The following TEAD3 variants were observed in gnomAD, a reference collection of about 807,000 sequenced individuals.
TEAD3 encodes the protein transcriptional enhancer factor TEF-5.
TEAD3 carries 15 observed loss-of-function variants against 55.6 expected under a neutral mutation model. The observed-to-expected ratio is 0.27, with a 90% CI of 0.18 to 0.42. TEAD3 has a LOEUF of 0.42. Ranked by LOEUF, TEAD3 falls within the 10% of genes least tolerant of loss-of-function variation. The pLI is 1.00. For missense variants in TEAD3, 407 were observed against 576.8 expected, an observed-to-expected ratio of 0.71 and a Z score of 3.01; for synonymous variants, 210 against 232.2, an observed-to-expected ratio of 0.90 and a Z score of 0.87.
At chr6:35,476,268 T>C in intron 9 of TEAD3, 34 bp downstream of exon 9, 1 of 1,603,442 alleles carries the variant, frequency 6.2e-7, no homozygotes, top group East Asian at 2.2e-5. Flanking sequence ...TCCACAATTG[T>C]GCAAAGCCTC....
intron 3 of TEAD3, among the ~76,000 whole-genome samples, chr6:35,482,961 G>A (rs764407129): frequency 1.9e-4 from 29 of 152,160 alleles, no homozygotes; most frequent in Admixed American, 3.9e-4. Flanking sequence ...CAGCGCTTAC[G>A]CTGTTCTAAG....
Position 35,488,840 on chromosome 6 carries a change from C to T in TEAD3, c.-49-2129G>A, listed in dbSNP as rs945284986. Among the ~76,000 whole-genome samples, 1 of 152,184 alleles carries T rather than the reference C, an allele frequency of 6.6e-6. No individual in the cohort carries two copies. Among genetic ancestry groups the T allele is most frequent in the Non-Finnish European group, 1.5e-5 (1 of 68,032 alleles). ...CTGGGTTCAAGCGATTCTCCTGCCT[C>T]AGACTCCCATGCAGCCTCCCCCCTC... is the stretch of plus-strand genomic sequence containing the variant. On this transcript the variant is annotated intron_variant, in intron 1 of 12. Transcript: ENST00000639578. The surrounding 1 kb of genome is among the most constrained non-coding windows in gnomAD (Gnocchi z 4.2).
chr6:35,480,692 G>C (rs1239618012), intron 3 of TEAD3, among the ~76,000 whole-genome samples: 1 of 152,144 alleles, frequency 6.6e-6, no homozygotes, highest in Admixed American at 6.6e-5. Context: ...AAGAGCCACA[G>C]TGGCTTCCAG....
intron 3 of TEAD3, among the ~76,000 whole-genome samples, chr6:35,481,574 T>C (rs1185222310): frequency 4.6e-5 from 7 of 152,254 alleles, no homozygotes; most frequent in African/African-American, 1.7e-4. Context: ...TGGCGTTTAC[T>C]GAGCACAGAT....
rs754589202 is a variant in TEAD3, at chr6:35,475,555, C to T, written c.1041+11G>A. On this transcript the variant is annotated intron_variant, in intron 11 of 12. Coordinates refer to ENST00000639578, the Ensembl canonical transcript of TEAD3. This position sits in a 1 kb window ranked among gnomAD's most constrained non-coding sequence, Gnocchi z 5.4. ...CCCAGCCCCACCAAGCCACCCAGAG[C>T]CCCCACTCACCTCCACCTTCTCTAC... 15 of 1,606,712 alleles carry T rather than the reference C, an allele frequency of 9.3e-6. No individual in the cohort carries two copies. The highest frequency in any genetic ancestry group is 1.3e-5 in the Non-Finnish European group (15 of 1,175,452).
intron 1 of TEAD3, among the ~76,000 whole-genome samples, chr6:35,487,998 C>T (rs1409275956): frequency 6.6e-6 from 1 of 152,200 alleles, no homozygotes; most frequent in Non-Finnish European, 1.5e-5. Flanking sequence ...TCAGTGCAAC[C>T]CTGCTAAGGA....
chr6:35,482,237 G>A (rs1314105405), intron 3 of TEAD3, among the ~76,000 whole-genome samples: 16 of 152,018 alleles, frequency 1.1e-4, no homozygotes, highest in Admixed American at 1.0e-3. Flanking sequence ...CACCTGCCTC[G>A]GCCTCCCAAA....
chr6:35,475,333 T>C lies in TEAD3; in HGVS notation c.1194+3A>G, dbSNP rs1206766149. 1.9e-6 allele frequency: 3 copies of C among 1,613,086 alleles called. No homozygotes were observed. The highest frequency in any genetic ancestry group is 2.5e-6 in the Non-Finnish European group (3 of 1,179,248). ...CTCCCCACGACCCCTGCTGCCCCCA[T>C]ACCTGCAGGATGGTGAAGTTCTCCA... On this transcript the variant is annotated splice_donor_region_variant and intron_variant, in intron 12 of 12. Coordinates refer to ENST00000639578, the Ensembl canonical transcript of TEAD3. The surrounding 1 kb of genome is among the most constrained non-coding windows in gnomAD (Gnocchi z 5.4).
intron 4 of TEAD3, chr6:35,480,043 T>A: frequency 6.7e-7 from 1 of 1,493,248 alleles, no homozygotes; most frequent in Non-Finnish European, 9.0e-7. Context: ...CCAGGCCAGG[T>A]GGCAGGGGCC....
chr6:35,489,053 G>A (rs76626846), intron 1 of TEAD3, among the ~76,000 whole-genome samples: 4,624 of 152,282 alleles, frequency 0.03, 105 homozygotes, highest in East Asian at 0.096. Flanking sequence ...CACTGCGCCC[G>A]GCCCTTGATT....
At chr6:35,495,167 C>T (rs1768614120) in intron 1 of TEAD3, among the ~76,000 whole-genome samples, 1 of 152,242 alleles carries the variant, frequency 6.6e-6, no homozygotes, top group Non-Finnish European at 1.5e-5. Flanking sequence ...ATCCCTATTT[C>T]TTGACCACCT....
rs983571909 is a variant in TEAD3 at position 35,491,161 on chromosome 6, C to A, written c.-49-4450G>T. Reference sequence around the variant, plus strand: ...AAAGCCCAACCCAGTGGGGGACAGACCAGAGCCCCGCAGAGTGAAGGGAGA... The same window carrying A: ...AAAGCCCAACCCAGTGGGGGACAGAACAGAGCCCCGCAGAGTGAAGGGAGA... On this transcript the variant is annotated intron_variant, in intron 1 of 12. Transcript: ENST00000639578. This position sits in a 1 kb window ranked among gnomAD's most constrained non-coding sequence, Gnocchi z 4.4. 6.6e-5 allele frequency among the ~76,000 whole-genome samples: 10 copies of A among 151,866 alleles called. No individual in the cohort carries two copies. Among genetic ancestry groups the A allele is most frequent in the African/African-American group, 2.4e-4 (10 of 41,312 alleles).
chr6:35,494,521 C>G (rs1023365576), intron 1 of TEAD3, among the ~76,000 whole-genome samples: 1 of 152,180 alleles, frequency 6.6e-6, no homozygotes, highest in Admixed American at 6.5e-5. Flanking sequence ...GCTGACCTCC[C>G]CAGCTCTACC....
At chr6:35,493,450 C>T (rs919858324) in intron 1 of TEAD3, among the ~76,000 whole-genome samples, 1 of 152,150 alleles carries the variant, frequency 6.6e-6, no homozygotes, top group Non-Finnish European at 1.5e-5. Flanking sequence ...AGTGACCACC[C>T]ACCCACAGCG....
rs373948356 is a variant in TEAD3 at position 35,478,584 on chromosome 6, G to A, written c.343-13C>T. On this transcript the variant is annotated splice_polypyrimidine_tract_variant and intron_variant, in intron 5 of 12. Transcript: ENST00000639578. ...TGGAGACCTGGTCCTGGGGAGAGGA[G>A]GCTGCATGAAGCCAGGGCCACGCTG... The A allele has an allele frequency of 9.5e-6, 15 of 1,575,984 alleles. No individual in the cohort carries two copies. In the African/African-American group the frequency reaches 2.0e-4, roughly 21 times the overall value.
In TEAD3 at chr6:35,484,386, G is replaced by C. The variant is rs557556901; in HGVS notation, c.267+174C>G. Among the ~76,000 whole-genome samples, 46 of 152,176 alleles carry C rather than the reference G, an allele frequency of 3.0e-4. 1 individual carries two copies. Among genetic ancestry groups the C allele is most frequent in the African/African-American group, 1.1e-3 (45 of 41,492 alleles). ...GTGGGAAGGGTGAATGGAGCTGCTT[G>C]GGGGTGGGAGGGTGTAAAATCGAGG... On this transcript the variant is annotated intron_variant, in intron 3 of 12. Coordinates refer to ENST00000639578, the Ensembl canonical transcript of TEAD3. This position sits in a 1 kb window ranked among gnomAD's most constrained non-coding sequence, Gnocchi z 5.8.
chr6:35,476,417 G>C (rs757481197), exon 9 of TEAD3: 1 of 1,612,852 alleles, frequency 6.2e-7, no homozygotes, highest in African/African-American at 1.3e-5. Flanking sequence ...TGAGGGGAGC[G>C]GGGCCAGGGG....
At chr6:35,479,034 C>T (rs1435556948) in intron 5 of TEAD3, among the ~76,000 whole-genome samples, 1 of 152,088 alleles carries the variant, frequency 6.6e-6, no homozygotes, top group African/African-American at 2.4e-5. Flanking sequence ...CATTCGTCAC[C>T]ATGCCTGGCT....
rs2150918052 is a variant in TEAD3, at chr6:35,491,960, T to A, written c.-50+4938A>T. Among the ~76,000 whole-genome samples, 1 of 152,230 alleles carries A rather than the reference T, an allele frequency of 6.6e-6. No homozygotes were observed. ...CTGCAGCCTCCAGACCACCCAGCCC[T>A]GTAGCTCCCTTTAGGGGCCCCAGAG... On this transcript the variant is annotated intron_variant, in intron 1 of 12. Transcript: ENST00000639578. The surrounding 1 kb of genome is among the most constrained non-coding windows in gnomAD (Gnocchi z 4.4).
Sources: gnomAD v4.1 joint callset for allele counts (sites outside exome capture counted in the v4.1 genomes callset) on GRCh38, gnomAD v4.1.1 for gene constraint, Gnocchi (gnomAD v3.1) non-coding constraint, MANE v1.5 for transcripts, NCBI Gene and HGNC (gene_info 2026-07-23, HGNC 2026-07-21) for gene names.